Variants in SMAD9 observed in about 807,000 individuals in gnomAD.
The protein encoded by SMAD9 is MAD homolog 9.
In SMAD9, 36 loss-of-function variants were observed where a neutral mutation model predicts 46.1. The observed-to-expected ratio is 0.78, with a 90% CI of 0.60 to 1.03. The LOEUF is 1.03. Ranked by LOEUF, SMAD9 falls within the 50% of genes least tolerant of loss-of-function variation. The probability of loss-of-function intolerance (pLI) is 0.00; values close to 1 mark genes in which losing one functional copy is unlikely to be tolerated. For synonymous variants in SMAD9, 245 were observed against 237.1 expected, an observed-to-expected ratio of 1.03 and a Z score of -0.31; for missense variants, 572 against 599.8, an observed-to-expected ratio of 0.95 and a Z score of 0.48.
At chr13:36,898,966 G>A (rs562682435) in intron 1 of SMAD9, among the ~76,000 whole-genome samples, 1 of 152,024 alleles carries the variant, frequency 6.6e-6, no homozygotes, top group African/African-American at 2.4e-5. Context: ...GATTAGAAAT[G>A]AAAAATTTTC....
At chr13:36,899,180 A>C (rs1211559999) in intron 1 of SMAD9, among the ~76,000 whole-genome samples, 2 of 152,208 alleles carry the variant, frequency 1.3e-5, no homozygotes, top group Admixed American at 6.5e-5. Context: ...TAGCTCAAAA[A>C]CCATAAAACA....
At position 36,851,215 on chromosome 13, in the gene SMAD9, G is replaced by A. The variant is rs141618197; in HGVS notation, c.1260+2204C>T. 6.7e-3 allele frequency among the ~76,000 whole-genome samples: 1,020 copies of A among 152,246 alleles called. 6 individuals are homozygous for A. The highest frequency in any genetic ancestry group is 0.02 in the Middle Eastern group (6 of 294). ...AGGAGGCCTTGCTATGGTTCCCTGCGGCTGCTCTCATCTCACTTCCCCTGC... is the reference window on the plus strand; with the variant it reads ...AGGAGGCCTTGCTATGGTTCCCTGCAGCTGCTCTCATCTCACTTCCCCTGC... On this transcript the variant is annotated intron_variant, in intron 6 of 6. Transcript: ENST00000379826.
chr13:36,889,531 G>A lies in SMAD9; in HGVS notation c.-186-9656C>T, dbSNP rs537733433. On this transcript the variant is annotated intron_variant, in intron 1 of 6. Coordinates refer to ENST00000379826, the MANE Select transcript of SMAD9 (RefSeq NM_001127217.3). ...ACAAAGCAGCCCATGTTACTTAAAGGCAATTCTTAATATAGATCTCCCTCT... is the reference window on the plus strand; with the variant it reads ...ACAAAGCAGCCCATGTTACTTAAAGACAATTCTTAATATAGATCTCCCTCT... Among the ~76,000 whole-genome samples the A allele has an allele frequency of 3.9e-4, 59 of 152,106 alleles. 1 individual carries two copies. In the South Asian group the frequency reaches 8.5e-3, roughly 22 times the overall value.
chr13:36,909,799 G>A (rs933706084), intron 1 of SMAD9, among the ~76,000 whole-genome samples: 7 of 152,156 alleles, frequency 4.6e-5, no homozygotes, highest in African/African-American at 9.7e-5. Context: ...AAAGCAGTTT[G>A]AAAACTGTAA....
chr13:36,874,520 T>C (rs937522818), intron 2 of SMAD9, among the ~76,000 whole-genome samples: 3 of 151,742 alleles, frequency 2.0e-5, no homozygotes, highest in Non-Finnish European at 2.9e-5. Context: ...AACTAAAATA[T>C]AGATATCAAG....
At chr13:36,902,538 C>T (rs1270433190) in intron 1 of SMAD9, among the ~76,000 whole-genome samples, 1 of 152,024 alleles carries the variant, frequency 6.6e-6, no homozygotes, top group Non-Finnish European at 1.5e-5. Context: ...ACAGCAACCT[C>T]TGCCTCCCGG....
At chr13:36,863,699 C>G (rs1397574342) in intron 5 of SMAD9, among the ~76,000 whole-genome samples, 1 of 152,048 alleles carries the variant, frequency 6.6e-6, no homozygotes, top group African/African-American at 2.4e-5. Flanking sequence ...TAAAAAGAGA[C>G]CAGCACCTCC....
At chr13:36,855,197 G>A (rs977687318) in intron 5 of SMAD9, among the ~76,000 whole-genome samples, 9 of 133,264 alleles carry the variant, frequency 6.8e-5, no homozygotes, top group African/African-American at 1.7e-4. Flanking sequence ...TGCAGTGAGC[G>A]AAGATCACGC....
chr13:36,854,605 C>T (rs1397582007), intron 5 of SMAD9, among the ~76,000 whole-genome samples: 3 of 152,152 alleles, frequency 2.0e-5, no homozygotes, highest in Non-Finnish European at 2.9e-5. Context: ...CTCCCAACCT[C>T]AAGTAATCCA....
intron 5 of SMAD9, among the ~76,000 whole-genome samples, chr13:36,857,717 A>C (rs2058140213): frequency 6.6e-6 from 1 of 152,132 alleles, no homozygotes; most frequent in Non-Finnish European, 1.5e-5. Context: ...AGTGTCCCAA[A>C]GTAGAAGGAA....
At chr13:36,851,728 T>TA (rs566607646) in intron 6 of SMAD9, 217 of 960,480 alleles carry the variant, frequency 2.3e-4, no homozygotes, top group Middle Eastern at 5.3e-4. Flanking sequence ...TCTCAAATGT[T>TA]AAAAAAAAAT....
At chr13:36,889,819 T>C (rs1198843439) in intron 1 of SMAD9, among the ~76,000 whole-genome samples, 1 of 152,108 alleles carries the variant, frequency 6.6e-6, no homozygotes, top group African/African-American at 2.4e-5. Flanking sequence ...TAAATAATGA[T>C]TGCCCTTAAA....
chr13:36,854,753 G>A (rs2058107080), intron 5 of SMAD9, among the ~76,000 whole-genome samples: 1 of 151,928 alleles, frequency 6.6e-6, no homozygotes, highest in South Asian at 2.1e-4. Flanking sequence ...CTACCTCAGA[G>A]GAAACAATAA....
Position 36,846,421 on chromosome 13 carries a change from G to A in SMAD9, c.*2255C>T, listed in dbSNP as rs1014556203. The A allele has an allele frequency of 6.9e-6, 1 of 145,376 alleles. No homozygotes were observed. The highest frequency in any genetic ancestry group is 2.0e-4 in the East Asian group (1 of 4,922). 9.0% of individuals were successfully genotyped at this position (145,376 alleles called of 1,614,324 possible). On this transcript the variant is annotated 3_prime_UTR_variant, in exon 7 of 7. Coordinates refer to ENST00000379826, the MANE Select transcript of SMAD9 (RefSeq NM_001127217.3). The stretch of plus-strand genomic sequence containing the variant: ...ACCCGGGAGGCAGAGGTTGCAGTGA[G>A]CCAAGATCACGCCACTGCACTCTGG...
At chr13:36,908,831 C>T (rs1403537074) in intron 1 of SMAD9, among the ~76,000 whole-genome samples, 2 of 152,152 alleles carry the variant, frequency 1.3e-5, no homozygotes, top group African/African-American at 4.8e-5. Flanking sequence ...CCAATAACGG[C>T]TGGATTTTTT....
At chr13:36,874,411 G>C (rs1019122981) in intron 2 of SMAD9, among the ~76,000 whole-genome samples, 8 of 152,172 alleles carry the variant, frequency 5.3e-5, no homozygotes, top group African/African-American at 1.9e-4. Context: ...CTGGCTACTA[G>C]AAGTCAACAG....
intron 1 of SMAD9, among the ~76,000 whole-genome samples, chr13:36,894,221 CAT>C (rs1371346083): frequency 6.6e-6 from 1 of 152,164 alleles, no homozygotes; most frequent in Non-Finnish European, 1.5e-5. Flanking sequence ...ATAATTCCCA[CAT>C]GTTGTGAGAG....
At chr13:36,866,104 C>A (rs1273590230) in intron 4 of SMAD9, among the ~76,000 whole-genome samples, 1 of 152,140 alleles carries the variant, frequency 6.6e-6, no homozygotes, top group East Asian at 1.9e-4. Context: ...TCAAAGGAAG[C>A]TGGCAGGTCA....
chr13:36,881,877 T>C (rs1033205892), intron 1 of SMAD9, among the ~76,000 whole-genome samples: 2 of 152,216 alleles, frequency 1.3e-5, no homozygotes. Context: ...GAGTTGTGAA[T>C]TCTGCTTAGT....
Sources: allele counts gnomAD v4.1 joint callset (sites outside exome capture counted in the v4.1 genomes callset), GRCh38; gene constraint gnomAD v4.1.1; transcripts MANE v1.5; gene names NCBI Gene and HGNC (gene_info 2026-07-23, HGNC 2026-07-21).